Variants in ROBO2 observed in about 807,000 individuals in gnomAD.
ROBO2 encodes roundabout homolog 2.
ROBO2 carries 53 observed loss-of-function variants against 160.8 expected under a neutral mutation model. The observed-to-expected ratio is 0.33, with a 90% CI of 0.26 to 0.41. The LOEUF (loss-of-function observed/expected upper bound fraction) is 0.41. Ranked by LOEUF, ROBO2 falls within the 10% of genes least tolerant of loss-of-function variation. The pLI is 1.00. For missense variants in ROBO2, 1,577 were observed against 1,722.4 expected (o/e 0.92, Z 1.49); for synonymous variants, 664 against 611.7 (o/e 1.09, Z -1.26).
At chr3:77,583,944 C>A (rs974998581) in intron 16 of ROBO2, among the ~76,000 whole-genome samples, 1 of 152,128 alleles carries the variant, frequency 6.6e-6, no homozygotes, top group African/African-American at 2.4e-5. Flanking sequence ...ATGATCCTCT[C>A]CTGGGCTTCC....
chr3:76,468,548 T>G (rs1045039882), intron 2 of ROBO2, among the ~76,000 whole-genome samples: 1 of 152,114 alleles, frequency 6.6e-6, no homozygotes, highest in African/African-American at 2.4e-5. Flanking sequence ...TTTTAATGTC[T>G]GACTCAATTC....
rs557070083 is a variant in ROBO2, at chr3:76,575,548, C to T, written c.110-522466C>T. Among the ~76,000 whole-genome samples the T allele has an allele frequency of 2.5e-4, 38 of 152,080 alleles. 1 individual carries two copies. The South Asian group carries it at 7.5e-3, about 30-fold the overall frequency. On this transcript the variant is annotated intron_variant, in intron 2 of 26. Transcript: ENST00000487694. ...ACTTGTCATAGGCAAGTATTTTTGTCTCTTTGGAGGTAGAAGTATGAGACA... is the reference window on the plus strand; with the variant it reads ...ACTTGTCATAGGCAAGTATTTTTGTTTCTTTGGAGGTAGAAGTATGAGACA...
chr3:75,923,210 G>C (rs1947142825), intron 1 of ROBO2, among the ~76,000 whole-genome samples: 1 of 152,102 alleles, frequency 6.6e-6, no homozygotes, highest in South Asian at 2.1e-4. Context: ...TTCCTTAAAT[G>C]TTTTGTTGTT....
chr3:76,270,701 T>A (rs753154767), intron 2 of ROBO2, among the ~76,000 whole-genome samples: 1 of 152,044 alleles, frequency 6.6e-6, no homozygotes, highest in African/African-American at 2.4e-5. Flanking sequence ...ACTAAATATA[T>A]CCTTTAAAAA....
At chr3:77,356,712 A>G (rs2069182278) in intron 2 of ROBO2, among the ~76,000 whole-genome samples, 1 of 152,210 alleles carries the variant, frequency 6.6e-6, no homozygotes, top group Admixed American at 6.5e-5. Flanking sequence ...ATGATACCAT[A>G]CAGTCTCAGG....
chr3:77,643,122 AT>A (rs1216468942), intron 24 of ROBO2, among the ~76,000 whole-genome samples, 179 bp downstream of exon 26: 1 of 152,216 alleles, frequency 6.6e-6, no homozygotes, highest in Non-Finnish European at 1.5e-5. Context: ...TCCAACGGGC[AT>A]TGCTCCTCAG....
chr3:76,366,698 T>C (rs1415183342), intron 2 of ROBO2, among the ~76,000 whole-genome samples: 1 of 152,010 alleles, frequency 6.6e-6, no homozygotes, highest in Non-Finnish European at 1.5e-5. Context: ...ATGAAAAGTT[T>C]CTGTTTTCTC....
chr3:77,010,442 C>T (rs1029710673), intron 2 of ROBO2, among the ~76,000 whole-genome samples: 2 of 152,262 alleles, frequency 1.3e-5, no homozygotes, highest in South Asian at 2.1e-4. Flanking sequence ...GACATCTCCG[C>T]GTTTATAATA....
At chr3:76,815,302 A>T (rs1163157175) in intron 2 of ROBO2, among the ~76,000 whole-genome samples, 2 of 152,042 alleles carry the variant, frequency 1.3e-5, no homozygotes, top group African/African-American at 2.4e-5. Flanking sequence ...TCATCATCAC[A>T]TCTCTGTGGA....
At chr3:77,545,658 T>G (rs1449578801) in intron 6 of ROBO2, among the ~76,000 whole-genome samples, 2 of 152,106 alleles carry the variant, frequency 1.3e-5, no homozygotes, top group African/African-American at 4.8e-5. Context: ...CATCTCTGTA[T>G]CTTTAGTGCC....
intron 2 of ROBO2, among the ~76,000 whole-genome samples, chr3:76,280,442 A>T (rs1708170075): frequency 6.6e-6 from 1 of 152,018 alleles, no homozygotes; most frequent in African/African-American, 2.4e-5. Flanking sequence ...CACCATGAGA[A>T]GGCAGCAATC....
intron 2 of ROBO2, among the ~76,000 whole-genome samples, chr3:77,192,841 A>G (rs113938391): frequency 0.2 from 29,656 of 151,318 alleles, 3,351 homozygotes; most frequent in Middle Eastern, 0.31. Context: ...TTAAGTAGAG[A>G]TGGGGCTTCA....
chr3:77,170,620 T>C (rs2079543837), intron 2 of ROBO2, among the ~76,000 whole-genome samples: 1 of 152,116 alleles, frequency 6.6e-6, no homozygotes. Flanking sequence ...TCAACTGTTA[T>C]CTGGTCCTAT....
chr3:76,564,233 G>A (rs889835931), intron 2 of ROBO2, among the ~76,000 whole-genome samples: 2 of 152,178 alleles, frequency 1.3e-5, no homozygotes, highest in Non-Finnish European at 2.9e-5. Flanking sequence ...GAAGTGTGCT[G>A]TCATCTGAAT....
chr3:76,919,031 T>C (rs2076502845), intron 2 of ROBO2, among the ~76,000 whole-genome samples: 2 of 152,248 alleles, frequency 1.3e-5, no homozygotes, highest in Admixed American at 6.5e-5. Context: ...TGTTTCTTTC[T>C]TGTAAATTTG....
intron 1 of ROBO2, among the ~76,000 whole-genome samples, chr3:77,080,338 G>C (rs529732300): frequency 6.6e-6 from 1 of 152,224 alleles, no homozygotes. Context: ...CCAGATGGAG[G>C]CTGAAGATTT....
At chr3:76,171,810 G>A (rs1314264507) in intron 2 of ROBO2, among the ~76,000 whole-genome samples, 3 of 151,974 alleles carry the variant, frequency 2.0e-5, no homozygotes, top group African/African-American at 7.2e-5. Flanking sequence ...ATATCTTAAA[G>A]AACCCTATTA....
chr3:76,618,384 C>G (rs1247222865), intron 2 of ROBO2, among the ~76,000 whole-genome samples: 2 of 151,086 alleles, frequency 1.3e-5, no homozygotes, highest in Admixed American at 6.6e-5. Flanking sequence ...TATTATGACA[C>G]TTTTCCACAC....
At chr3:76,689,593 A>C (rs1452916587) in intron 2 of ROBO2, among the ~76,000 whole-genome samples, 1 of 152,078 alleles carries the variant, frequency 6.6e-6, no homozygotes, top group Non-Finnish European at 1.5e-5. Flanking sequence ...CCCATCCCCC[A>C]AAAAAGAAAA....
Sources: gnomAD v4.1 joint callset for allele counts (sites outside exome capture counted in the v4.1 genomes callset) on GRCh38, gnomAD v4.1.1 for gene constraint, MANE v1.5 for transcripts, NCBI Gene and HGNC (gene_info 2026-07-23, HGNC 2026-07-21) for gene names.